The following TFDP2 variants were observed in gnomAD, a reference collection of about 807,000 sequenced individuals.
TFDP2 encodes transcription factor Dp-2 (E2F dimerization partner 2).
TFDP2 carries 17 observed loss-of-function variants against 59.3 expected under a neutral mutation model. The observed-to-expected ratio is 0.29, with a 90% CI of 0.20 to 0.43. The LOEUF is 0.43. TFDP2 is among the 20% of genes least tolerant of loss of function. The pLI is 1.00. For synonymous variants in TFDP2, 180 were observed against 194.7 expected, an observed-to-expected ratio of 0.92 and a Z score of 0.63; for missense variants, 391 against 528.8, an observed-to-expected ratio of 0.74 and a Z score of 2.56.
chr3:141,959,972 G>A (rs1937158131), intron 10 of TFDP2, 132 bp from the exon 11 acceptor site: 3 of 771,696 alleles, frequency 3.9e-6, no homozygotes, highest in African/African-American at 3.5e-5. Context: ...ACCATTTAGA[G>A]AGCCATGAGT....
chr3:142,076,491 GAA>G (rs1300029992), intron 3 of TFDP2, among the ~76,000 whole-genome samples: 2 of 151,954 alleles, frequency 1.3e-5, no homozygotes, highest in African/African-American at 4.8e-5. Flanking sequence ...TAAAATGGAA[GAA>G]ATGTTTCAAG....
chr3:142,063,933 T>C (rs1260969260), intron 3 of TFDP2, among the ~76,000 whole-genome samples: 1 of 152,158 alleles, frequency 6.6e-6, no homozygotes, highest in African/African-American at 2.4e-5. Context: ...CCCTACCATA[T>C]ACCAGTAGTT....
intron 3 of TFDP2, among the ~76,000 whole-genome samples, chr3:142,060,413 A>G (rs988161477): frequency 2.0e-5 from 3 of 152,214 alleles, no homozygotes; most frequent in Non-Finnish European, 2.9e-5. Context: ...AAACCTAAAA[A>G]GAGAAAAACC....
At chr3:142,068,757 C>T (rs984085934) in intron 3 of TFDP2, among the ~76,000 whole-genome samples, 1 of 151,904 alleles carries the variant, frequency 6.6e-6, no homozygotes, top group Admixed American at 6.6e-5. Flanking sequence ...CAGGGTTTCA[C>T]CATGTTGCCC....
chr3:142,044,465 A>G (rs1375902165), intron 3 of TFDP2, among the ~76,000 whole-genome samples: 2 of 151,830 alleles, frequency 1.3e-5, no homozygotes, highest in African/African-American at 4.8e-5. Flanking sequence ...CGATCTGTTG[A>G]CCTCATGATC....
intron 3 of TFDP2, among the ~76,000 whole-genome samples, chr3:142,013,889 C>T (rs139098929): frequency 1.6e-3 from 250 of 151,830 alleles, no homozygotes; most frequent in African/African-American, 5.7e-3. Flanking sequence ...CTATATGATG[C>T]TAATATAACT....
chr3:142,124,037 CA>C (rs1185424345), intron 1 of TFDP2, among the ~76,000 whole-genome samples: 1 of 151,744 alleles, frequency 6.6e-6, no homozygotes, highest in East Asian at 1.9e-4. Flanking sequence ...AACTCATTTA[CA>C]TAGAAAAAAA....
rs116943330 is a variant in TFDP2 at position 142,091,904 on chromosome 3, G to A, written c.82+1157C>T. On this transcript the variant is annotated intron_variant, in intron 3 of 12. Transcript: ENST00000489671. ...CAGCCTGGTTCCTAACAGGCCATGA[G>A]CTCACAGCCTGGGAATTGGGGACCT... Among the ~76,000 whole-genome samples, 17 of 152,276 alleles carry A rather than the reference G, an allele frequency of 1.1e-4. No individual in the cohort carries two copies. The East Asian group carries it at 3.1e-3, about 28-fold the overall frequency.
Position 141,944,454 on chromosome 3 carries a change from A to G in TFDP2, c.*8059T>C, listed in dbSNP as rs1935033225. 1 of 152,184 alleles carries G rather than the reference A, an allele frequency of 6.6e-6. No individual in the cohort carries two copies. The highest frequency in any genetic ancestry group is 2.1e-4 in the South Asian group (1 of 4,828). The allele number at this position is 152,184 out of a possible 1,614,324, so 9.4% of individuals were successfully genotyped here. ...TATTTTAAAGTGTTTATTTTTTTCT[A>G]TAATACATTTCATTCAAATCATAAA... On this transcript the variant is annotated 3_prime_UTR_variant, in exon 13 of 13. Coordinates refer to ENST00000489671, the MANE Select transcript of TFDP2 (RefSeq NM_001178139.2).
At chr3:142,125,035 A>G (rs539417812) in intron 1 of TFDP2, among the ~76,000 whole-genome samples, 90 of 143,426 alleles carry the variant, frequency 6.3e-4, no homozygotes, top group Admixed American at 1.4e-3. Context: ...ATCTTTACCG[A>G]AAAAAAAAAA....
intron 3 of TFDP2, chr3:142,044,162 A>G: frequency 1.9e-6 from 1 of 534,754 alleles, no homozygotes; most frequent in South Asian, 1.9e-5. Flanking sequence ...CAGAGGACAG[A>G]AGAGGCGAGC....
At chr3:141,953,146 C>T in intron 11 of TFDP2, 130 bp from the exon 12 acceptor site, 1 of 559,418 alleles carries the variant, frequency 1.8e-6, no homozygotes, top group African/African-American at 1.9e-5. Flanking sequence ...AATTCTCTTG[C>T]TGTGACAAGA....
At chr3:142,044,069 G>A in intron 3 of TFDP2, 2 of 653,776 alleles carry the variant, frequency 3.1e-6, no homozygotes, top group Non-Finnish European at 5.7e-6. Flanking sequence ...TCTTTGATCA[G>A]CTTCCGCATC....
chr3:142,110,518 A>T (rs2061618382), intron 1 of TFDP2, among the ~76,000 whole-genome samples: 1 of 151,954 alleles, frequency 6.6e-6, no homozygotes, highest in Admixed American at 6.6e-5. Context: ...AAAAAACAAA[A>T]AAAAGCTCAG....
chr3:142,146,385 T>TTA (rs1033576997), intron 1 of TFDP2, among the ~76,000 whole-genome samples: 9 of 151,716 alleles, frequency 5.9e-5, no homozygotes, highest in African/African-American at 1.2e-4. Flanking sequence ...TCTAAATGAC[T>TTA]TATATATATA....
chr3:142,089,270 C>T (rs906645659), intron 3 of TFDP2, among the ~76,000 whole-genome samples: 2 of 149,750 alleles, frequency 1.3e-5, no homozygotes, highest in South Asian at 2.1e-4. Flanking sequence ...TGGAAATTCT[C>T]GAACTGAAAA....
chr3:141,967,288 G>GTTTTTTTT (rs200530270), intron 9 of TFDP2, among the ~76,000 whole-genome samples: 1 of 145,314 alleles, frequency 6.9e-6, no homozygotes. Flanking sequence ...GAGGAAATAA[G>GTTTTTTTT]TTTTTTGTTT....
chr3:141,959,983 CAT>C (rs1230633211), intron 10 of TFDP2, 143 bp from the exon 11 acceptor site: 2 of 687,126 alleles, frequency 2.9e-6, no homozygotes, highest in African/African-American at 3.6e-5. Flanking sequence ...AGCCATGAGT[CAT>C]TCTGCTCTGT....
intron 3 of TFDP2, among the ~76,000 whole-genome samples, chr3:142,009,806 C>T (rs927706019): frequency 1.3e-5 from 2 of 151,154 alleles, no homozygotes; most frequent in African/African-American, 2.4e-5. Flanking sequence ...AAATTTTGTA[C>T]ATGATAAAGG....
Sources: gnomAD v4.1 joint callset for allele counts (sites outside exome capture counted in the v4.1 genomes callset) on GRCh38, gnomAD v4.1.1 for gene constraint, MANE v1.5 for transcripts, NCBI Gene and HGNC (gene_info 2026-07-23, HGNC 2026-07-21) for gene names.